DNAAF4: variants seen among roughly 807,000 people sequenced by gnomAD.
The protein encoded by DNAAF4 is dynein assembly factor 4, axonemal.
Under a neutral mutation model 51.8 loss-of-function variants are expected in DNAAF4, and 43 were observed. That is an observed-to-expected ratio of 0.83 (90% CI 0.65 to 1.07). DNAAF4 has a LOEUF of 1.07. Ranked by LOEUF, DNAAF4 falls within the 50% of genes least tolerant of loss-of-function variation. DNAAF4 has a pLI of 0.00. For missense variants in DNAAF4, 581 were observed against 493.0 expected, an observed-to-expected ratio of 1.18 and a Z score of -1.69; for synonymous variants, 194 against 165.6, an observed-to-expected ratio of 1.17 and a Z score of -1.32.
rs540256107 is a variant in DNAAF4 at position 55,498,394 on chromosome 15, A to G, written c.-65T>C. 1 of 1,564,380 alleles carries G rather than the reference A, an allele frequency of 6.4e-7. No homozygotes were observed. The highest frequency in any genetic ancestry group is 1.4e-5 in the African/African-American group (1 of 72,930). On this transcript the variant is annotated 5_prime_UTR_variant, in exon 2 of 10. Transcript: ENST00000321149. ...CTTGCGCCTGCTTGGTTGCTAGGGA[A>G]GCTGGGGTTACCATGCGCCAGCCCT...
chr15:55,485,621 C>A (rs753995910), intron 4 of DNAAF4, among the ~76,000 whole-genome samples: 1 of 151,558 alleles, frequency 6.6e-6, no homozygotes, highest in Non-Finnish European at 1.5e-5. Flanking sequence ...AAGCGGAAAA[C>A]AAAACAAAAA....
chr15:55,461,394 C>A (rs1326893550), intron 5 of DNAAF4, among the ~76,000 whole-genome samples: 8 of 152,010 alleles, frequency 5.3e-5, no homozygotes, highest in Admixed American at 2.0e-4. Context: ...CCACGCCCAG[C>A]CCATCTCAGT....
Position 55,433,549 on chromosome 15 carries a change from C to T in DNAAF4, c.1048-947G>A, listed in dbSNP as rs543671759. On this transcript the variant is annotated intron_variant, in intron 8 of 9. Transcript: ENST00000321149. Reference sequence around the variant, plus strand: ...GCTGAGGCAGGAGAATGGCGTGAACCGGGGAGGCGGAGCTTGCAGTGAGCC... The same window carrying T: ...GCTGAGGCAGGAGAATGGCGTGAACTGGGGAGGCGGAGCTTGCAGTGAGCC... Among the ~76,000 whole-genome samples, 30 of 141,704 alleles carry T rather than the reference C, an allele frequency of 2.1e-4. 1 individual carries two copies. Among genetic ancestry groups the T allele is most frequent in the Middle Eastern group, 3.7e-3 (1 of 270 alleles). The allele number at this position is 141,704 out of a possible 152,430, so 93.0% of individuals were successfully genotyped here.
chr15:55,491,040 G>C, intron 4 of DNAAF4, 83 bp downstream of exon 4: 4 of 1,512,386 alleles, frequency 2.6e-6, no homozygotes, highest in Middle Eastern at 3.5e-4. Context: ...AAATGCTGAG[G>C]AAGTCCAGCA....
intron 8 of DNAAF4, among the ~76,000 whole-genome samples, chr15:55,434,514 C>CA (rs2057576415): frequency 1.3e-5 from 2 of 152,166 alleles, no homozygotes; most frequent in Non-Finnish European, 2.9e-5. Context: ...AGTTACCCTG[C>CA]AAATGAGAAA....
rs533519599 is a variant in DNAAF4 at position 55,486,926 on chromosome 15, A to T, written c.405+4197T>A. On this transcript the variant is annotated intron_variant, in intron 4 of 9. Transcript: ENST00000321149. ...TTCCTTCCTCAACATACGTATGCTC[A>T]AAATTTCTCCATCTTAACAAAAACT... Among the ~76,000 whole-genome samples the T allele has an allele frequency of 9.5e-4, 145 of 152,314 alleles. 3 individuals carry two copies. Among genetic ancestry groups the T allele is most frequent in the Admixed American group, 6.5e-4 (10 of 15,294 alleles).
At chr15:55,423,186 T>C (rs918569547) in intron 7 of DNAAF4, among the ~76,000 whole-genome samples, 2 of 144,390 alleles carry the variant, frequency 1.4e-5, no homozygotes, top group Non-Finnish European at 3.0e-5. Context: ...TTTTTTAAGA[T>C]ATGATATAAT....
chr15:55,433,807 T>C (rs1291143597), intron 8 of DNAAF4, among the ~76,000 whole-genome samples: 2 of 89,984 alleles, frequency 2.2e-5, no homozygotes, highest in Admixed American at 1.9e-4. Flanking sequence ...TTGTTTTATA[T>C]ATATAATATA....
intron 7 of DNAAF4, among the ~76,000 whole-genome samples, chr15:55,419,938 G>A (rs1170273568): frequency 6.6e-6 from 1 of 152,226 alleles, no homozygotes; most frequent in Admixed American, 6.5e-5. Context: ...GGGAGGTGGA[G>A]GTTGCAGTGA....
Position 55,446,873 on chromosome 15 carries a change from G to A in DNAAF4, c.783+3349C>T, listed in dbSNP as rs536249517. On this transcript the variant is annotated intron_variant, in intron 6 of 9. Coordinates refer to ENST00000321149, the MANE Select transcript of DNAAF4 (RefSeq NM_130810.4). Reference sequence around the variant, plus strand: ...CAGAGGTGCTCCTCACATCCCAGACGGGCCGGCTGGGCAGAGGTGCTCCCC... The same window carrying A: ...CAGAGGTGCTCCTCACATCCCAGACAGGCCGGCTGGGCAGAGGTGCTCCCC... Among the ~76,000 whole-genome samples the A allele has an allele frequency of 1.1e-4, 16 of 142,410 alleles. No homozygotes were observed. The South Asian group carries it at 3.2e-3, about 29-fold the overall frequency. 93.4% of individuals were successfully genotyped at this position (142,410 alleles called of 152,430 possible). A position where few individuals can be genotyped will look rare whatever the true frequency, so the allele number is the denominator to read the frequency against.
chr15:55,484,828 G>A (rs907133464), intron 4 of DNAAF4, among the ~76,000 whole-genome samples: 16 of 152,146 alleles, frequency 1.1e-4, no homozygotes, highest in African/African-American at 3.4e-4. Context: ...GGGCTGGGAG[G>A]CTAGGCCAGT....
At chr15:55,425,301 C>G (rs557521404) in intron 7 of DNAAF4, among the ~76,000 whole-genome samples, 5 of 152,190 alleles carry the variant, frequency 3.3e-5, no homozygotes, top group Non-Finnish European at 7.3e-5. Flanking sequence ...CCGGTGATAA[C>G]TGATCAACCT....
intron 6 of DNAAF4, among the ~76,000 whole-genome samples, chr15:55,445,229 G>T (rs983949662): frequency 5.3e-5 from 8 of 151,770 alleles, no homozygotes; most frequent in Non-Finnish European, 8.8e-5. Flanking sequence ...TGAGATTAGG[G>T]AGTGGTGATG....
rs1297053096 is a variant in DNAAF4 at position 55,473,259 on chromosome 15, A to ATATGTG, written c.406-6099_406-6098insCACATA. ...TATATATATATGTGTGTGTATATAT[A>ATATGTG]TGTGTATATATGTGTATATATATGT... On this transcript the variant is annotated intron_variant, in intron 4 of 9. Coordinates refer to ENST00000321149, the MANE Select transcript of DNAAF4 (RefSeq NM_130810.4). Among the ~76,000 whole-genome samples, 31 of 115,630 alleles carry ATATGTG rather than the reference A, an allele frequency of 2.7e-4. 1 individual carries two copies. Among genetic ancestry groups the ATATGTG allele is most frequent in the South Asian group, 1.2e-3 (4 of 3,412 alleles). The allele number at this position is 115,630 out of a possible 152,430, so 75.9% of individuals were successfully genotyped here. A position where few individuals can be genotyped will look rare whatever the true frequency, so the allele number is the denominator to read the frequency against.
chr15:55,473,485 A>T (rs1403603673), intron 4 of DNAAF4, among the ~76,000 whole-genome samples: 1 of 151,106 alleles, frequency 6.6e-6, no homozygotes, highest in African/African-American at 2.4e-5. Context: ...ACCTTAATCA[A>T]ATAGGGGTAA....
intron 4 of DNAAF4, among the ~76,000 whole-genome samples, chr15:55,476,267 A>G (rs61066055): frequency 0.023 from 3,496 of 152,188 alleles, 123 homozygotes; most frequent in African/African-American, 0.076. Context: ...CAGGAGTTCA[A>G]GACCATCCTG....
At chr15:55,472,051 G>A (rs2058263378) in intron 4 of DNAAF4, among the ~76,000 whole-genome samples, 1 of 150,114 alleles carries the variant, frequency 6.7e-6, no homozygotes, top group Admixed American at 6.7e-5. Context: ...TGTTGGCCAG[G>A]CTGGTGTCAA....
intron 1 of DNAAF4, among the ~76,000 whole-genome samples, chr15:55,501,587 G>A (rs563222898): frequency 7.8e-4 from 109 of 139,476 alleles, no homozygotes; most frequent in Middle Eastern, 9.9e-3. Context: ...GTGTTAGCCA[G>A]GATGGTCTCG....
At chr15:55,435,282 G>A (rs1489097705) in intron 7 of DNAAF4, among the ~76,000 whole-genome samples, 1 of 92 alleles carries the variant, frequency 0.011, no homozygotes, top group Non-Finnish European at 0.023. Flanking sequence ...AGTAATTTAA[G>A]CCAGTAGGGC....
Sources: allele counts gnomAD v4.1 joint callset (sites outside exome capture counted in the v4.1 genomes callset), GRCh38; gene constraint gnomAD v4.1.1; transcripts MANE v1.5; gene names NCBI Gene and HGNC (gene_info 2026-07-23, HGNC 2026-07-21).